Variants in ALG12 observed in about 807,000 individuals in gnomAD.
ALG12 encodes the protein ALG12 alpha-1,6-mannosyltransferase, also known as dol-P-Man:Man(7)GlcNAc(2)-PP-Dol alpha-1,6-mannosyltransferase.
ALG12 carries 36 observed loss-of-function variants against 46.0 expected under a neutral mutation model. That is an observed-to-expected ratio of 0.78 (90% CI 0.60 to 1.03). The LOEUF (loss-of-function observed/expected upper bound fraction) is 1.03. ALG12 is among the 50% of genes least tolerant of loss of function. ALG12 has a pLI of 0.00. For synonymous variants in ALG12, 326 were observed against 291.6 expected (o/e 1.12, Z -1.20); for missense variants, 599 against 633.5 (o/e 0.95, Z 0.58).
At chr22:49,916,723 G>C (rs998922834) in intron 1 of ALG12, among the ~76,000 whole-genome samples, 4 of 152,220 alleles carry the variant, frequency 2.6e-5, no homozygotes, top group Admixed American at 6.5e-5. Context: ...AGCTGACATG[G>C]GGGGTACTGC....
chr22:49,914,611 G>A (rs2060599675), intron 1 of ALG12, among the ~76,000 whole-genome samples: 1 of 152,252 alleles, frequency 6.6e-6, no homozygotes, highest in South Asian at 2.1e-4. Context: ...CCAAGGGAGG[G>A]GAGGGGGCAA....
rs150287931 is a variant in ALG12 at position 49,902,492 on chromosome 22, G to T, written c.*1346C>A. ...CACGTGTGCACTGTGTGGTGTGTAT[G>T]CATGGTGTGTGCACATGTGCACTGT... On this transcript the variant is annotated 3_prime_UTR_variant, in exon 10 of 10. Transcript: ENST00000330817. 5.0e-5 allele frequency: 7 copies of T among 141,376 alleles called. No individual in the cohort carries two copies. The highest frequency in any genetic ancestry group is 4.6e-4 in the South Asian group (2 of 4,302). The allele number at this position is 141,376 out of a possible 1,614,324, so 8.8% of individuals were successfully genotyped here.
chr22:49,860,453 C>G, the ALG12 span, among the ~76,000 whole-genome samples: 1 of 152,148 alleles, frequency 6.6e-6, no homozygotes, highest in African/African-American at 2.4e-5. Flanking sequence ...AATTACAATA[C>G]CACTCCTGTA....
chr22:49,910,282 C>T (rs763454718), intron 4 of ALG12, 152 bp downstream of exon 4: 3 of 1,262,550 alleles, frequency 2.4e-6, no homozygotes, highest in African/African-American at 3.0e-5. Flanking sequence ...GCATGGAAAA[C>T]AAAGAGCCTG....
chr22:49,860,532 G>A, the ALG12 span, among the ~76,000 whole-genome samples: 1 of 151,946 alleles, frequency 6.6e-6, no homozygotes, highest in Non-Finnish European at 1.5e-5. Context: ...CTTCCACTTT[G>A]GATGAATAAA....
chr22:49,862,452 T>C, the ALG12 span, among the ~76,000 whole-genome samples: 1 of 152,160 alleles, frequency 6.6e-6, no homozygotes, highest in Non-Finnish European at 1.5e-5. Flanking sequence ...TTTTAAAGTG[T>C]GGCACAGATA....
the ALG12 span, among the ~76,000 whole-genome samples, chr22:49,879,154 CAAA>C: frequency 7.0e-6 from 1 of 143,204 alleles, no homozygotes; most frequent in African/African-American, 2.5e-5. Flanking sequence ...AAAAAAAAAA[CAAA>C]AAACAAAAAA....
intron 1 of ALG12, among the ~76,000 whole-genome samples, chr22:49,914,152 C>T (rs1189331861): frequency 1.3e-5 from 2 of 152,156 alleles, no homozygotes; most frequent in African/African-American, 2.4e-5. Context: ...ATGGCCCCTG[C>T]CCCCCAGTCT....
At position 49,906,176 on chromosome 22, in the gene ALG12, C is replaced by G. The variant is rs917192780; in HGVS notation, c.992+1545G>C. 2.0e-5 allele frequency among the ~76,000 whole-genome samples: 3 copies of G among 152,186 alleles called. No individual in the cohort carries two copies. The highest frequency in any genetic ancestry group is 4.4e-5 in the Non-Finnish European group (3 of 68,022). ...GCATGGAGCAGCCCCTCACGCCCAG[C>G]ACACCAGGCCTCAAAGACACAGAGC... is the stretch of plus-strand genomic sequence containing the variant. On this transcript the variant is annotated intron_variant, in intron 7 of 9. Coordinates refer to ENST00000330817, the MANE Select transcript of ALG12 (RefSeq NM_024105.4). The surrounding 1 kb of genome is among the most constrained non-coding windows in gnomAD (Gnocchi z 4.4).
chr22:49,911,002 A>G (rs2146610006), intron 3 of ALG12, among the ~76,000 whole-genome samples: 1 of 152,280 alleles, frequency 6.6e-6, no homozygotes, highest in African/African-American at 2.4e-5. Context: ...AGGAGGTGGG[A>G]TGTGGCAGGA....
At chr22:49,860,370 A>G in the ALG12 span, among the ~76,000 whole-genome samples, 1 of 152,214 alleles carries the variant, frequency 6.6e-6, no homozygotes, top group African/African-American at 2.4e-5. Flanking sequence ...CTTAAATTAT[A>G]TGTTATTCTG....
At chr22:49,886,423 C>A in the ALG12 span, 2 of 1,593,574 alleles carry the variant, frequency 1.3e-6, no homozygotes, top group Non-Finnish European at 1.7e-6. The surrounding 1 kb of genome is among the most constrained non-coding windows in gnomAD (Gnocchi z 7.7). Context: ...CTTCCGAGAG[C>A]TGATCAGCTG....
the ALG12 span, chr22:49,883,946 A>G: frequency 6.2e-7 from 1 of 1,613,588 alleles, no homozygotes; most frequent in Non-Finnish European, 8.5e-7. Flanking sequence ...AGCACCCTAT[A>G]CGACGTGGCC....
At chr22:49,884,210 C>T in the ALG12 span, 1 of 1,605,114 alleles carries the variant, frequency 6.2e-7, no homozygotes, top group Non-Finnish European at 8.5e-7. Context: ...TCCTCGTTCC[C>T]CTCTCCCTCA....
chr22:49,905,686 C>A lies in ALG12; in HGVS notation c.993-1180G>T, dbSNP rs1038006174. Among the ~76,000 whole-genome samples the A allele has an allele frequency of 6.6e-6, 1 of 152,238 alleles. No individual in the cohort carries two copies. The highest frequency in any genetic ancestry group is 2.4e-5 in the African/African-American group (1 of 41,456). Reference sequence around the variant, plus strand: ...CCTGGAAGCTGAGCAGACACCAGTACCACGCTTCCCGTACAGCCTGCGGAA... The same window carrying A: ...CCTGGAAGCTGAGCAGACACCAGTAACACGCTTCCCGTACAGCCTGCGGAA... On this transcript the variant is annotated intron_variant, in intron 7 of 9. Transcript: ENST00000330817. The surrounding 1 kb of genome is among the most constrained non-coding windows in gnomAD (Gnocchi z 4.9).
At position 49,907,901 on chromosome 22, in the gene ALG12, C is replaced by T. The variant is rs1257064450; in HGVS notation, c.812G>A (p.Gly271Asp). The T allele has an allele frequency of 6.2e-7, 1 of 1,613,592 alleles. No homozygotes were observed. The highest frequency in any genetic ancestry group is 8.5e-7 in the Non-Finnish European group (1 of 1,180,000). ...LWYFYSALPR[G>D]LGCSLLFIPL... ...GATGAAGAGCAGGCTGCAGCCCAGG[C>T]CGCGGGGCAGGGCTGAGTAGAAGTA... The change falls in exon 7 of 10, where the codon GGC becomes GAC. Residue 271 changes from glycine (G) to aspartate (D), a missense_variant. Transcript: ENST00000330817.
intron 1 of ALG12, among the ~76,000 whole-genome samples, chr22:49,916,574 C>A (rs748761402): frequency 1.3e-5 from 2 of 151,918 alleles, no homozygotes; most frequent in African/African-American, 4.8e-5. Context: ...AGCCAGACTC[C>A]GTCTCAAAAA....
chr22:49,912,170 G>A (rs1274194062), intron 3 of ALG12, among the ~76,000 whole-genome samples: 1 of 152,084 alleles, frequency 6.6e-6, no homozygotes, highest in Admixed American at 6.5e-5. Context: ...GCCCCAGGAT[G>A]ACATGCTCTT....
chr22:49,877,093 G>A, the ALG12 span, among the ~76,000 whole-genome samples: 1 of 152,094 alleles, frequency 6.6e-6, no homozygotes, highest in Non-Finnish European at 1.5e-5. Flanking sequence ...TTATGTAAAA[G>A]TAAATGAACG....
Sources: allele counts gnomAD v4.1 joint callset (sites outside exome capture counted in the v4.1 genomes callset), GRCh38; gene constraint gnomAD v4.1.1; non-coding constraint Gnocchi (gnomAD v3.1); transcripts MANE v1.5; gene names NCBI Gene and HGNC (gene_info 2026-07-23, HGNC 2026-07-21).